NRXN1: variants seen among roughly 807,000 people sequenced by gnomAD.
NRXN1 encodes neurexin-1.
A neutral mutation model predicts 150.9 loss-of-function variants in NRXN1; 39 were observed. The ratio of observed to expected loss-of-function variants is 0.26; its 90% CI spans 0.20 to 0.34. The LOEUF (loss-of-function observed/expected upper bound fraction) is 0.34. Among genes scored for constraint, NRXN1 ranks in the 10% least tolerant of loss-of-function variants. The pLI, the probability that NRXN1 is intolerant of heterozygous loss-of-function variation, is 1.00. For missense variants in NRXN1, 1,815 were observed against 1,949.9 expected (o/e 0.93, Z 1.30); for synonymous variants, 924 against 757.0 (o/e 1.22, Z -3.62).
chr2:50,012,127 G>C (rs1685777961), intron 21 of NRXN1, among the ~76,000 whole-genome samples: 2 of 152,020 alleles, frequency 1.3e-5, no homozygotes, highest in African/African-American at 4.8e-5. Context: ...AACAATAATG[G>C]TTCATGGACA....
intron 17 of NRXN1, among the ~76,000 whole-genome samples, chr2:50,242,796 T>C (rs1448690200): frequency 6.6e-6 from 1 of 151,690 alleles, no homozygotes; most frequent in African/African-American, 2.4e-5. Context: ...AATTGGCAAA[T>C]GTGTTATAAC....
At chr2:50,998,476 G>A (rs1191634398) in intron 2 of NRXN1, among the ~76,000 whole-genome samples, 1 of 151,968 alleles carries the variant, frequency 6.6e-6, no homozygotes. Flanking sequence ...AAATCATATT[G>A]TTTTAATATT....
intron 5 of NRXN1, among the ~76,000 whole-genome samples, chr2:50,865,386 T>C (rs2106058239): frequency 6.6e-6 from 1 of 151,994 alleles, no homozygotes; most frequent in East Asian, 1.9e-4. Flanking sequence ...TTAGTGTGTG[T>C]CTCTGTGTGT....
chr2:50,749,973 G>A (rs955967143), intron 5 of NRXN1, among the ~76,000 whole-genome samples: 1 of 151,948 alleles, frequency 6.6e-6, no homozygotes, highest in Non-Finnish European at 1.5e-5. Flanking sequence ...CTTCAGATTC[G>A]TGGTTTTAAA....
intron 17 of NRXN1, among the ~76,000 whole-genome samples, chr2:50,351,821 C>A (rs989299267): frequency 3.9e-5 from 6 of 152,102 alleles, no homozygotes; most frequent in Admixed American, 3.9e-4. Context: ...GAAATACTGT[C>A]ATATTTGCTT....
chr2:50,115,068 G>A (rs1702856089), intron 18 of NRXN1, among the ~76,000 whole-genome samples: 1 of 151,708 alleles, frequency 6.6e-6, no homozygotes, highest in Non-Finnish European at 1.5e-5. Context: ...TACCACTCTA[G>A]TGAGGGATGT....
At chr2:50,318,194 C>A (rs2075759455) in intron 17 of NRXN1, among the ~76,000 whole-genome samples, 1 of 151,502 alleles carries the variant, frequency 6.6e-6, no homozygotes, top group Admixed American at 6.6e-5. Flanking sequence ...CACAAATAAC[C>A]CAGAAACATA....
At chr2:50,086,731 G>C (rs985607073) in intron 19 of NRXN1, among the ~76,000 whole-genome samples, 1 of 151,534 alleles carries the variant, frequency 6.6e-6, no homozygotes, top group Non-Finnish European at 1.5e-5. Context: ...CATTTCATTG[G>C]TACCTAATGC....
Position 50,347,491 on chromosome 2 carries a change from C to G in NRXN1, c.3365-110521G>C. 1 of 1,075,266 alleles carries G rather than the reference C, an allele frequency of 9.3e-7. No homozygotes were observed. The highest frequency in any genetic ancestry group is 1.1e-6 in the Non-Finnish European group (1 of 882,880). The allele number at this position is 1,075,266 out of a possible 1,614,324, so 66.6% of individuals were successfully genotyped here. On this transcript the variant is annotated intron_variant, in intron 17 of 22. Transcript: ENST00000401669. This position sits in a 1 kb window ranked among gnomAD's most constrained non-coding sequence, Gnocchi z 4.9. Reference sequence around the variant, plus strand: ...CAGACCCCATGGAATCCAGGCGCCCCTTCCCTCCATTCAGCCCCGGCCGGC... The same window carrying G: ...CAGACCCCATGGAATCCAGGCGCCCGTTCCCTCCATTCAGCCCCGGCCGGC...
intron 21 of NRXN1, among the ~76,000 whole-genome samples, chr2:50,015,345 T>C (rs1470401638): frequency 6.6e-6 from 1 of 151,854 alleles, no homozygotes; most frequent in African/African-American, 2.4e-5. Flanking sequence ...TCTCCTTTCT[T>C]TGATGTGGAA....
At chr2:50,092,729 T>C (rs570819126) in intron 18 of NRXN1, among the ~76,000 whole-genome samples, 3 of 152,306 alleles carry the variant, frequency 2.0e-5, no homozygotes, top group East Asian at 1.9e-4. Context: ...AGGAAAATAT[T>C]TGAGGATGTT....
chr2:50,370,274 A>T (rs2079920816), intron 17 of NRXN1, among the ~76,000 whole-genome samples: 1 of 152,054 alleles, frequency 6.6e-6, no homozygotes. Flanking sequence ...GCAGCCTGCC[A>T]GCCACTTACA....
At chr2:49,998,706 G>A (rs1683404759) in intron 21 of NRXN1, among the ~76,000 whole-genome samples, 1 of 152,066 alleles carries the variant, frequency 6.6e-6, no homozygotes, top group Non-Finnish European at 1.5e-5. Context: ...TCATTATTAT[G>A]AATGATAATT....
At chr2:50,961,208 C>T (rs1260136532) in intron 2 of NRXN1, among the ~76,000 whole-genome samples, 2 of 151,808 alleles carry the variant, frequency 1.3e-5, no homozygotes, top group East Asian at 3.9e-4. Context: ...ATGATAGAGG[C>T]CCATTTACAC....
intron 18 of NRXN1, 146 bp downstream of exon 18, chr2:50,236,643 T>C (rs1270822559): frequency 1.6e-5 from 12 of 753,762 alleles, no homozygotes. Flanking sequence ...GTATATGGTC[T>C]TATTTCCTCT....
At chr2:49,949,945 T>C (rs1409101253) in intron 21 of NRXN1, among the ~76,000 whole-genome samples, 1 of 151,810 alleles carries the variant, frequency 6.6e-6, no homozygotes, top group Non-Finnish European at 1.5e-5. Context: ...TGAATGAATC[T>C]AATAGTTTCT....
rs184687411 is a variant in NRXN1 at position 50,031,408 on chromosome 2, T to C, written c.4128+21863A>G. 5.3e-5 allele frequency among the ~76,000 whole-genome samples: 8 copies of C among 152,198 alleles called. No individual in the cohort carries two copies. The East Asian group carries it at 1.4e-3, about 26-fold the overall frequency. ...ATTATCTTGCTTATTACTTATGGGA[T>C]ATTTTTCTTATCCATATCCAGGTTA... On this transcript the variant is annotated intron_variant, in intron 21 of 22. Coordinates refer to ENST00000401669, the MANE Select transcript of NRXN1 (RefSeq NM_001330078.2).
At chr2:50,486,679 G>C (rs11125307) in intron 15 of NRXN1, among the ~76,000 whole-genome samples, 8,375 of 152,114 alleles carry the variant, frequency 0.055, 811 homozygotes, top group African/African-American at 0.19. Flanking sequence ...ATGAGGAGGG[G>C]AGAGGGAGGA....
chr2:50,600,546 A>G (rs2103938238), intron 8 of NRXN1, among the ~76,000 whole-genome samples: 1 of 152,238 alleles, frequency 6.6e-6, no homozygotes, highest in East Asian at 1.9e-4. Flanking sequence ...GCTGGTCTCA[A>G]ATTCCTGACC....
Sources: gnomAD v4.1 joint callset for allele counts (sites outside exome capture counted in the v4.1 genomes callset) on GRCh38, gnomAD v4.1.1 for gene constraint, Gnocchi (gnomAD v3.1) non-coding constraint, MANE v1.5 for transcripts, NCBI Gene and HGNC (gene_info 2026-07-23, HGNC 2026-07-21) for gene names.